The following PCDHGA6 variants were observed in gnomAD, a reference collection of about 807,000 sequenced individuals.
PCDHGA6 encodes the protein protocadherin gamma subfamily A, 6, also known as protocadherin gamma-A6.
Under a neutral mutation model 60.6 loss-of-function variants are expected in PCDHGA6, and 41 were observed. That is an observed-to-expected ratio of 0.68 (90% confidence interval 0.53 to 0.88). PCDHGA6 has a LOEUF of 0.88. PCDHGA6 is among the 40% of genes least tolerant of loss of function. The probability of loss-of-function intolerance (pLI) is 0.00; values close to 1 mark genes in which losing one functional copy is unlikely to be tolerated. For synonymous variants in PCDHGA6, 594 were observed against 524.4 expected (o/e 1.13, Z -1.81); for missense variants, 1,312 against 1,203.0 (o/e 1.09, Z -1.34).
At chr5:141,508,682 C>G (rs2099870913) in intron 3 of PCDHGA6, among the ~76,000 whole-genome samples, 1 of 152,080 alleles carries the variant, frequency 6.6e-6, no homozygotes, top group Non-Finnish European at 1.5e-5. Context: ...TCCCTTCTCC[C>G]TGCTTCTCCG....
At chr5:141,393,192 A>G in intron 1 of PCDHGA6, 2 of 1,613,468 alleles carry the variant, frequency 1.2e-6, no homozygotes, top group Non-Finnish European at 1.7e-6. Flanking sequence ...AATTGATATT[A>G]ACGATAATAA....
rs1376069004 is a variant in PCDHGA6 at position 141,457,869 on chromosome 5, G to T, written c.2425-36938G>T. On this transcript the variant is annotated intron_variant, in intron 1 of 3. Transcript: ENST00000517434. ...AAGTGACATTCTTCACTGACCACAG[G>T]TTAGGAACCCTGTGTGGGGACTGTG... 2.0e-5 allele frequency among the ~76,000 whole-genome samples: 3 copies of T among 152,334 alleles called. No individual in the cohort carries two copies. The East Asian group carries it at 5.8e-4, about 29-fold the overall frequency.
At position 141,431,353 on chromosome 5, in the gene PCDHGA6, C is replaced by T. The variant is rs1273946805; in HGVS notation, c.2424+54846C>T. 1 of 1,613,940 alleles carries T rather than the reference C, an allele frequency of 6.2e-7. No homozygotes were observed. Among genetic ancestry groups the T allele is most frequent in the Non-Finnish European group, 8.5e-7 (1 of 1,180,042 alleles). On this transcript the variant is annotated intron_variant, in intron 1 of 3. Coordinates refer to ENST00000517434, the MANE Select transcript of PCDHGA6 (RefSeq NM_018919.3). This position sits in a 1 kb window ranked among gnomAD's most constrained non-coding sequence, Gnocchi z 4.8. ...AGTACCCCGAATTGGTGCTGAAACG[C>T]GCCCTGGACCGCGAAGAAAAGGCTG...
At position 141,374,252 on chromosome 5, in the gene PCDHGA6, C is replaced by T; in HGVS notation, c.169C>T (p.Gln57Ter). 3.7e-6 allele frequency: 6 copies of T among 1,613,982 alleles called. No homozygotes were observed. Among genetic ancestry groups the T allele is most frequent in the Non-Finnish European group, 5.1e-6 (6 of 1,179,892 alleles). The change falls in exon 1 of 4, where the codon CAG (glutamine) becomes TAG (stop). Residue 57 changes from glutamine to a stop codon, truncating the protein, a stop_gained. Transcript: ENST00000517434. LOFTEE classifies it high-confidence loss of function. ...NIVKDLGLEP[Q>*]ELAEHGVRIV... ...CGTCAAGGATCTGGGACTGGAGCCC[C>T]AGGAGTTGGCGGAGCACGGAGTCCG...
chr5:141,409,409 A>C, intron 1 of PCDHGA6: 4 of 1,614,046 alleles, frequency 2.5e-6, no homozygotes, highest in Non-Finnish European at 3.4e-6. Flanking sequence ...TAACTACTAC[A>C]AACTGGTGAC....
rs139211149 is a variant in PCDHGA6, at chr5:141,426,067, G to A, written c.2424+49560G>A. Among the ~76,000 whole-genome samples, 5 of 152,328 alleles carry A rather than the reference G, an allele frequency of 3.3e-5. No individual in the cohort carries two copies. The East Asian group carries it at 9.6e-4, about 29-fold the overall frequency. On this transcript the variant is annotated intron_variant, in intron 1 of 3. Coordinates refer to ENST00000517434, the MANE Select transcript of PCDHGA6 (RefSeq NM_018919.3). Reference sequence around the variant, plus strand: ...TGGCCAATGTGCTGCAAGAACTGGAGCCTGGGATCTACCAGGACGATATTC... The same window carrying A: ...TGGCCAATGTGCTGCAAGAACTGGAACCTGGGATCTACCAGGACGATATTC...
chr5:141,490,042 G>C lies in PCDHGA6; in HGVS notation c.2425-4765G>C. 1 of 1,614,266 alleles carries C rather than the reference G, an allele frequency of 6.2e-7. No individual in the cohort carries two copies. Among genetic ancestry groups the C allele is most frequent in the Non-Finnish European group, 8.5e-7 (1 of 1,180,038 alleles). The stretch of plus-strand genomic sequence containing the variant: ...TCTGCTGCTCCGCCTCAATGCCACT[G>C]ATCCAGACGAGGGCACCAACGGCCA... On this transcript the variant is annotated intron_variant, in intron 1 of 3. Coordinates refer to ENST00000517434, the MANE Select transcript of PCDHGA6 (RefSeq NM_018919.3). This position sits in a 1 kb window ranked among gnomAD's most constrained non-coding sequence, Gnocchi z 5.4.
At chr5:141,394,378 A>G (rs373024642) in intron 1 of PCDHGA6, 91 of 1,614,090 alleles carry the variant, frequency 5.6e-5, no homozygotes, top group Non-Finnish European at 6.9e-5. Flanking sequence ...TCTTTCGACT[A>G]TGAGCAGATC....
chr5:141,415,147 C>T (rs779194230), intron 1 of PCDHGA6: 17 of 1,613,668 alleles, frequency 1.1e-5, no homozygotes, highest in African/African-American at 1.3e-5. Context: ...CCAGCCCCCT[C>T]TCTCCGCCAC....
At position 141,491,111 on chromosome 5, in the gene PCDHGA6, A is replaced by G; in HGVS notation, c.2425-3696A>G. 1 of 1,614,162 alleles carries G rather than the reference A, an allele frequency of 6.2e-7. No individual in the cohort carries two copies. Among genetic ancestry groups the G allele is most frequent in the Non-Finnish European group, 8.5e-7 (1 of 1,180,026 alleles). Reference sequence around the variant, plus strand: ...CCAGGACTGTTCCTCGTGTCTACACACACTGGTGAGGTGCGCACAGCCCGG... The same window carrying G: ...CCAGGACTGTTCCTCGTGTCTACACGCACTGGTGAGGTGCGCACAGCCCGG... On this transcript the variant is annotated intron_variant, in intron 1 of 3. Transcript: ENST00000517434. This position sits in a 1 kb window ranked among gnomAD's most constrained non-coding sequence, Gnocchi z 6.9.
chr5:141,375,485 G>C lies in PCDHGA6; in HGVS notation c.1402G>C (p.Gly468Arg), dbSNP rs1478417043. The C allele has an allele frequency of 6.2e-7, 1 of 1,613,678 alleles. No individual in the cohort carries two copies. The highest frequency in any genetic ancestry group is 1.3e-5 in the African/African-American group (1 of 74,852). The change falls in exon 1 of 4, where the codon GGT (glycine) becomes CGT (arginine). Residue 468 changes from glycine (G) to arginine (R), a missense_variant. By Grantham distance (125) the Gly-to-Arg change is moderately radical. Coordinates refer to ENST00000517434, the MANE Select transcript of PCDHGA6 (RefSeq NM_018919.3). ...CTATGTCCTTGAAAACAACCCCAGG[G>C]GTGCCTCCATCTTCTCTGTGAATGC... ...SVYVLENNPR[G>R]ASIFSVNALD...
At chr5:141,422,997 C>A in intron 1 of PCDHGA6, 3 of 1,614,218 alleles carry the variant, frequency 1.9e-6, no homozygotes, top group Non-Finnish European at 2.5e-6. Flanking sequence ...ACCTGGTGAC[C>A]AAGGTGGTTG....
In PCDHGA6 at chr5:141,375,076, G is replaced by A. The variant is rs1338311528; in HGVS notation, c.993G>A (p.Ala331=). 6 of 1,613,892 alleles carry A rather than the reference G, an allele frequency of 3.7e-6. No homozygotes were observed. In the African/African-American group the frequency reaches 5.3e-5, roughly 14 times the overall value. The change falls in exon 1 of 4, where the codon GCG becomes GCA. Residue 331 remains alanine, a synonymous_variant. Coordinates refer to ENST00000517434, the MANE Select transcript of PCDHGA6 (RefSeq NM_018919.3). The part of the protein sequence containing the change: ...ARDGPGLRDR[A]KVLITILDVN... Reference sequence around the variant, plus strand: ...ATGGGCCAGGTCTTCGAGACAGAGCGAAAGTCTTAATAACTATCTTGGATG... The same window carrying A: ...ATGGGCCAGGTCTTCGAGACAGAGCAAAAGTCTTAATAACTATCTTGGATG...
intron 1 of PCDHGA6, chr5:141,419,588 A>C: frequency 6.2e-7 from 1 of 1,611,830 alleles, no homozygotes; most frequent in Non-Finnish European, 8.5e-7. Flanking sequence ...GCTCTTCGAC[A>C]CAGTGCCGCG....
intron 1 of PCDHGA6, chr5:141,419,210 G>A: frequency 6.2e-7 from 1 of 1,613,926 alleles, no homozygotes; most frequent in Non-Finnish European, 8.5e-7. Flanking sequence ...CAACGCGCCG[G>A]TTTTCGGACA....
rs778819723 is a variant in PCDHGA6 at position 141,398,637 on chromosome 5, T to C, written c.2424+22130T>C. 1.9e-6 allele frequency: 3 copies of C among 1,613,908 alleles called. No homozygotes were observed. The African/African-American group carries it at 4.0e-5, about 22-fold the overall frequency. On this transcript the variant is annotated intron_variant, in intron 1 of 3. Transcript: ENST00000517434. ...TTGGCTTAAACTCTCTGCAGAAGTATAAACTCTCTCTTAACCCAAGTTTCT... is the reference window on the plus strand; with the variant it reads ...TTGGCTTAAACTCTCTGCAGAAGTACAAACTCTCTCTTAACCCAAGTTTCT...
chr5:141,428,361 C>G, intron 1 of PCDHGA6: 2 of 556,764 alleles, frequency 3.6e-6, no homozygotes, highest in Non-Finnish European at 6.6e-6. Context: ...TTTTGGCGGT[C>G]GCCTTGCACC....
intron 1 of PCDHGA6, chr5:141,428,826 A>G (rs190740602): frequency 1.3e-5 from 2 of 149,304 alleles, no homozygotes; most frequent in South Asian, 2.1e-4. Context: ...GCTTTCATGT[A>G]TTTTTGAAAC....
intron 1 of PCDHGA6, chr5:141,428,184 C>G: frequency 6.8e-7 from 1 of 1,463,674 alleles, no homozygotes; most frequent in Middle Eastern, 1.7e-4. Flanking sequence ...GGAGGACAGC[C>G]GCCGCTCTCT....
Sources: gnomAD v4.1 joint callset for allele counts (sites outside exome capture counted in the v4.1 genomes callset) on GRCh38, gnomAD v4.1.1 for gene constraint, Gnocchi (gnomAD v3.1) non-coding constraint, MANE v1.5 for transcripts, NCBI Gene and HGNC (gene_info 2026-07-23, HGNC 2026-07-21) for gene names.